The following BCL2L13 variants were observed in gnomAD, a reference collection of about 807,000 sequenced individuals.
BCL2L13 encodes the protein bcl-2-like protein 13.
Under a neutral mutation model 25.8 loss-of-function variants are expected in BCL2L13, and 13 were observed. The ratio of observed to expected loss-of-function variants is 0.50; its 90% CI spans 0.33 to 0.80. BCL2L13 has a LOEUF of 0.80. Among genes scored for constraint, BCL2L13 ranks in the 30% least tolerant of loss-of-function variants. The pLI is 0.02. For missense variants in BCL2L13, 504 were observed against 574.9 expected, an observed-to-expected ratio of 0.88 and a Z score of 1.26; for synonymous variants, 244 against 230.3, an observed-to-expected ratio of 1.06 and a Z score of -0.54.
rs1306614839 is a variant in BCL2L13 at position 17,710,162 on chromosome 22, C to G, written c.600+7776C>G. 2.1e-4 allele frequency among the ~76,000 whole-genome samples: 31 copies of G among 146,502 alleles called. No homozygotes were observed. The Admixed American group carries it at 2.1e-3, about 10-fold the overall frequency. ...AGGAGTAAAAGCTTAGTAATCTGTTCTTTCTTGTAAGACTTCTTACATAAC... is the reference window on the plus strand; with the variant it reads ...AGGAGTAAAAGCTTAGTAATCTGTTGTTTCTTGTAAGACTTCTTACATAAC... On this transcript the variant is annotated intron_variant, in intron 6 of 6. Coordinates refer to ENST00000317582, the MANE Select transcript of BCL2L13 (RefSeq NM_015367.4).
At chr22:17,665,336 C>G (rs2059201931) in intron 2 of BCL2L13, among the ~76,000 whole-genome samples, 1 of 152,198 alleles carries the variant, frequency 6.6e-6, no homozygotes, top group Admixed American at 6.5e-5. Context: ...GCCCATATCA[C>G]TGTCAGCATT....
At chr22:17,661,776 G>C (rs2059072772) in intron 2 of BCL2L13, among the ~76,000 whole-genome samples, 1 of 145,340 alleles carries the variant, frequency 6.9e-6, no homozygotes, top group African/African-American at 2.4e-5. Flanking sequence ...CAGACCACCT[G>C]AGGTCGGGAG....
At chr22:17,644,547 G>A (rs1041640700) in intron 1 of BCL2L13, among the ~76,000 whole-genome samples, 2 of 151,172 alleles carry the variant, frequency 1.3e-5, no homozygotes, top group Non-Finnish European at 2.9e-5. Context: ...GGCCAGGATG[G>A]TCTCAATCTC....
intron 1 of BCL2L13, among the ~76,000 whole-genome samples, chr22:17,632,789 C>G (rs751321534): frequency 7.2e-6 from 1 of 137,982 alleles, no homozygotes; most frequent in African/African-American, 2.7e-5. Context: ...GAGTCTTGCT[C>G]TGTCACCAGG....
intron 1 of BCL2L13, 78 bp downstream of exon 1, chr22:17,638,964 C>G (rs1165636753): frequency 1.8e-6 from 2 of 1,129,404 alleles, no homozygotes; most frequent in African/African-American, 3.2e-5. Context: ...TGCCCAGAGA[C>G]CGTATCGAGC....
At chr22:17,647,844 TC>T (rs2058546143) in intron 1 of BCL2L13, among the ~76,000 whole-genome samples, 1 of 152,132 alleles carries the variant, frequency 6.6e-6, no homozygotes, top group Non-Finnish European at 1.5e-5. Context: ...AATGCCAAAG[TC>T]CCTCCGGGCG....
intron 6 of BCL2L13, 186 bp downstream of exon 6, chr22:17,702,572 C>T (rs940155829): frequency 8.2e-6 from 4 of 487,934 alleles, no homozygotes; most frequent in Admixed American, 8.2e-5. Context: ...CCTGAATAGC[C>T]AAGAGCACAG....
At chr22:17,707,003 A>G (rs994783610) in intron 6 of BCL2L13, among the ~76,000 whole-genome samples, 11 of 152,200 alleles carry the variant, frequency 7.2e-5, no homozygotes, top group African/African-American at 2.7e-4. Context: ...TTCTGATTTT[A>G]GAATAGGTTT....
chr22:17,638,835 C>G lies in BCL2L13; in HGVS notation c.-102C>G, dbSNP rs1601446995. ...CGCCGCTGGGGGACCCTGTCGGAAG[C>G]AACTGCCGCCGCCGCCTCTTTCATC... On this transcript the variant is annotated 5_prime_UTR_variant, in exon 1 of 7. Coordinates refer to ENST00000317582, the MANE Select transcript of BCL2L13 (RefSeq NM_015367.4). The G allele has an allele frequency of 1.6e-6, 2 of 1,232,174 alleles. No individual in the cohort carries two copies. The highest frequency in any genetic ancestry group is 6.3e-5 in the East Asian group (2 of 31,710). 76.3% of individuals were successfully genotyped at this position (1,232,174 alleles called of 1,614,324 possible).
upstream of BCL2L13, among the ~76,000 whole-genome samples, chr22:17,637,406 CAA>C (rs561992615): frequency 3.1e-4 from 30 of 97,980 alleles, no homozygotes; most frequent in Admixed American, 2.3e-4. Context: ...GACTCTGCCT[CAA>C]AAAAAAAAAA....
chr22:17,679,628 C>G (rs1485570629), intron 2 of BCL2L13, among the ~76,000 whole-genome samples: 1 of 151,444 alleles, frequency 6.6e-6, no homozygotes, highest in Non-Finnish European at 1.5e-5. Flanking sequence ...CTGAAATCAC[C>G]TGAAAGTAGA....
intron 2 of BCL2L13, among the ~76,000 whole-genome samples, chr22:17,664,204 C>G (rs1210548632): frequency 6.6e-6 from 1 of 151,362 alleles, no homozygotes; most frequent in Non-Finnish European, 1.5e-5. Flanking sequence ...CGGCTGGTCT[C>G]GAACTCCTGA....
At chr22:17,636,426 A>G (rs1343086302), upstream of BCL2L13, among the ~76,000 whole-genome samples, 1 of 151,920 alleles carries the variant, frequency 6.6e-6, no homozygotes. Context: ...CAGGAGGTCC[A>G]TGATGCAGTG....
intron 6 of BCL2L13, chr22:17,703,383 T>C (rs2060497678): frequency 6.6e-6 from 1 of 152,236 alleles, no homozygotes; most frequent in Non-Finnish European, 1.5e-5. Flanking sequence ...TATTTGCTAC[T>C]ATGGTGGTAG....
intron 3 of BCL2L13, chr22:17,684,781 G>A (rs1042332425): frequency 1.1e-5 from 4 of 348,878 alleles, no homozygotes; most frequent in South Asian, 6.4e-5. Flanking sequence ...TGCCCAGGCT[G>A]GAGTGCGGTG....
At chr22:17,697,502 T>C (rs994952472) in intron 5 of BCL2L13, among the ~76,000 whole-genome samples, 1 of 152,212 alleles carries the variant, frequency 6.6e-6, no homozygotes, top group Non-Finnish European at 1.5e-5. Flanking sequence ...AGGTTTGTTA[T>C]AGGAAGCTCT....
intron 2 of BCL2L13, among the ~76,000 whole-genome samples, chr22:17,667,478 GT>G (rs1177783046): frequency 6.8e-6 from 1 of 146,208 alleles, no homozygotes; most frequent in Non-Finnish European, 1.5e-5. Context: ...GCCTACTTGA[GT>G]TTTTTTAAAT....
intron 2 of BCL2L13, among the ~76,000 whole-genome samples, chr22:17,658,081 A>T (rs2058943534): frequency 6.6e-6 from 1 of 151,510 alleles, no homozygotes; most frequent in South Asian, 2.1e-4. Context: ...CAGCCTCCCA[A>T]AGTGCTGGGA....
At chr22:17,636,394 T>G (rs1329375827), upstream of BCL2L13, among the ~76,000 whole-genome samples, 1 of 150,436 alleles carries the variant, frequency 6.6e-6, no homozygotes, top group Admixed American at 6.7e-5. Flanking sequence ...CTTGGGAGGC[T>G]GAGGTGGAAC....
Sources: gnomAD v4.1 joint callset for allele counts (sites outside exome capture counted in the v4.1 genomes callset) on GRCh38, gnomAD v4.1.1 for gene constraint, MANE v1.5 for transcripts, NCBI Gene and HGNC (gene_info 2026-07-23, HGNC 2026-07-21) for gene names.